The following CTNNA3 variants were observed in gnomAD, a reference collection of about 807,000 sequenced individuals.
CTNNA3 encodes catenin alpha-3.
Under a neutral mutation model 95.7 loss-of-function variants are expected in CTNNA3, and 76 were observed. The ratio of observed to expected loss-of-function variants is 0.79; its 90% CI spans 0.66 to 0.96. The LOEUF (loss-of-function observed/expected upper bound fraction) is 0.96. Among genes scored for constraint, CTNNA3 ranks in the 40% least tolerant of loss-of-function variants. The pLI, the probability that CTNNA3 is intolerant of heterozygous loss-of-function variation, is 0.00. For synonymous variants in CTNNA3, 431 were observed against 374.4 expected (o/e 1.15, Z -1.74); for missense variants, 1,191 against 1,089.8 (o/e 1.09, Z -1.31).
chr10:66,915,149 C>T (rs1050205945), intron 7 of CTNNA3, among the ~76,000 whole-genome samples: 7 of 149,392 alleles, frequency 4.7e-5, no homozygotes, highest in African/African-American at 1.5e-4. Context: ...CTGAAGGACA[C>T]GTCTCCATAT....
chr10:67,682,791 C>T (rs569015529), intron 1 of CTNNA3, among the ~76,000 whole-genome samples: 18 of 152,276 alleles, frequency 1.2e-4, no homozygotes, highest in African/African-American at 4.3e-4. Flanking sequence ...TCATTGCACA[C>T]AGCAACAGGA....
chr10:66,213,436 C>T (rs903003205), intron 13 of CTNNA3, among the ~76,000 whole-genome samples: 5 of 152,048 alleles, frequency 3.3e-5, no homozygotes, highest in South Asian at 2.1e-4. Context: ...TTACTGACTA[C>T]GCTACATTTT....
At chr10:66,534,811 TA>T (rs1841595860) in intron 10 of CTNNA3, among the ~76,000 whole-genome samples, 4 of 151,526 alleles carry the variant, frequency 2.6e-5, no homozygotes, top group Admixed American at 2.0e-4. Context: ...ATTACTATAT[TA>T]AAATTAAATT....
At chr10:66,925,010 T>G (rs1846990238) in intron 7 of CTNNA3, among the ~76,000 whole-genome samples, 1 of 152,182 alleles carries the variant, frequency 6.6e-6, no homozygotes, top group South Asian at 2.1e-4. Flanking sequence ...TAGGCAATTC[T>G]AATAGAACAA....
At chr10:66,702,435 T>C (rs890050375) in intron 9 of CTNNA3, among the ~76,000 whole-genome samples, 1 of 152,106 alleles carries the variant, frequency 6.6e-6, no homozygotes, top group South Asian at 2.1e-4. Flanking sequence ...ACAATGGTTT[T>C]TGTCTTAGAA....
At chr10:66,168,527 G>T (rs563573411) in intron 13 of CTNNA3, among the ~76,000 whole-genome samples, 1 of 151,688 alleles carries the variant, frequency 6.6e-6, no homozygotes, top group Non-Finnish European at 1.5e-5. Flanking sequence ...ACTCTCCTTT[G>T]CCCGGAATGT....
intron 1 of CTNNA3, among the ~76,000 whole-genome samples, chr10:67,652,936 T>C (rs10450285): frequency 0.13 from 20,226 of 152,272 alleles, 2,415 homozygotes; most frequent in African/African-American, 0.32. Flanking sequence ...GTTTCTGCCA[T>C]TCTCTTTTAT....
chr10:67,550,192 C>A (rs1421328516), intron 3 of CTNNA3, among the ~76,000 whole-genome samples: 1 of 152,126 alleles, frequency 6.6e-6, no homozygotes, highest in Non-Finnish European at 1.5e-5. Flanking sequence ...AAATTTGACC[C>A]AGCAGTCTTT....
At chr10:65,931,850 C>A (rs2077258613) in intron 17 of CTNNA3, among the ~76,000 whole-genome samples, 2 of 152,170 alleles carry the variant, frequency 1.3e-5, no homozygotes, top group South Asian at 4.1e-4. Flanking sequence ...GTTGGCTTCC[C>A]AGCTGCTTAG....
intron 9 of CTNNA3, among the ~76,000 whole-genome samples, chr10:66,646,311 CG>C (rs1845705928): frequency 6.6e-6 from 1 of 152,012 alleles, no homozygotes; most frequent in Non-Finnish European, 1.5e-5. Context: ...TCCAGCACAA[CG>C]GATGGGACAG....
chr10:67,212,129 C>T (rs1416238778), intron 6 of CTNNA3, among the ~76,000 whole-genome samples: 1 of 152,050 alleles, frequency 6.6e-6, no homozygotes, highest in Non-Finnish European at 1.5e-5. Context: ...CATTTTAACA[C>T]ACTTTATTCA....
chr10:66,075,418 TAGG>T (rs2080531576), intron 14 of CTNNA3, among the ~76,000 whole-genome samples: 1 of 151,810 alleles, frequency 6.6e-6, no homozygotes, highest in Non-Finnish European at 1.5e-5. Flanking sequence ...AATAAATTTA[TAGG>T]AGTTGTGTGA....
chr10:66,762,046 T>C (rs1839619505), intron 9 of CTNNA3, among the ~76,000 whole-genome samples: 1 of 152,198 alleles, frequency 6.6e-6, no homozygotes, highest in African/African-American at 2.4e-5. Flanking sequence ...TGTGGATTTA[T>C]TGGGCATGAG....
In CTNNA3 at chr10:67,725,390, G is replaced by A. The variant is rs56985883; in HGVS notation, c.-2+38044C>T. ...AGACAGGGTTTCACATGTTAGCCAGGATGGTCTCGATCTCCTGACCTCGTG... is the reference window on the plus strand; with the variant it reads ...AGACAGGGTTTCACATGTTAGCCAGAATGGTCTCGATCTCCTGACCTCGTG... On this transcript the variant is annotated intron_variant, in intron 1 of 17. Coordinates refer to the CTNNA3 transcript ENST00000684154. Among the ~76,000 whole-genome samples, 5,039 of 152,140 alleles carry A rather than the reference G, an allele frequency of 0.033. 600 individuals carry two copies. In the East Asian group the frequency reaches 0.44, roughly 13 times the overall value.
chr10:66,446,442 C>T (rs190333381), intron 11 of CTNNA3, among the ~76,000 whole-genome samples: 170 of 151,858 alleles, frequency 1.1e-3, no homozygotes, highest in African/African-American at 3.8e-3. Flanking sequence ...ACTGGCAAAC[C>T]GAATCCAGCA....
chr10:66,072,783 G>T (rs999866417), intron 14 of CTNNA3, among the ~76,000 whole-genome samples: 1 of 152,024 alleles, frequency 6.6e-6, no homozygotes, highest in African/African-American at 2.4e-5. Context: ...CAAAGAATCT[G>T]TGCTGACCCT....
At chr10:66,909,663 T>C (rs534550495) in intron 7 of CTNNA3, among the ~76,000 whole-genome samples, 2 of 152,292 alleles carry the variant, frequency 1.3e-5, no homozygotes, top group Admixed American at 6.5e-5. Context: ...GTTAGTCAAA[T>C]AGAGACCAAA....
chr10:67,463,482 A>G lies in CTNNA3; in HGVS notation c.579+58360T>C, dbSNP rs546020799. ...AGCTCAAAAAGGACATCGCCTTTCT[A>G]GCTGAACTTAAATGACACAAAGGCA... On this transcript the variant is annotated intron_variant, in intron 5 of 17. Transcript: ENST00000433211. Among the ~76,000 whole-genome samples, 152 of 152,314 alleles carry G rather than the reference A, an allele frequency of 1.0e-3. 1 individual carries two copies. Among genetic ancestry groups the G allele is most frequent in the African/African-American group, 3.4e-3 (141 of 41,578 alleles).
chr10:65,956,017 C>G (rs2077722241), intron 17 of CTNNA3, among the ~76,000 whole-genome samples: 1 of 152,136 alleles, frequency 6.6e-6, no homozygotes, highest in Non-Finnish European at 1.5e-5. Context: ...CCTTCTGGTC[C>G]TGGACTTTTT....
Sources: allele counts gnomAD v4.1 joint callset (sites outside exome capture counted in the v4.1 genomes callset), GRCh38; gene constraint gnomAD v4.1.1; transcripts MANE v1.5; gene names NCBI Gene and HGNC (gene_info 2026-07-23, HGNC 2026-07-21).